CNTNAP5: variants seen among roughly 807,000 people sequenced by gnomAD.
CNTNAP5 encodes the protein contactin-associated protein-like 5.
CNTNAP5 carries 72 observed loss-of-function variants against 150.2 expected under a neutral mutation model. That is an observed-to-expected ratio of 0.48 (90% CI 0.40 to 0.58). CNTNAP5 has a LOEUF of 0.58. Ranked by LOEUF, CNTNAP5 falls within the 20% of genes least tolerant of loss-of-function variation. CNTNAP5 has a pLI of 0.00. For missense variants in CNTNAP5, 1,636 were observed against 1,626.2 expected (o/e 1.01, Z -0.10); for synonymous variants, 672 against 619.8 (o/e 1.08, Z -1.25).
chr2:124,623,329 C>A (rs1213562282), intron 12 of CNTNAP5, among the ~76,000 whole-genome samples: 1 of 152,170 alleles, frequency 6.6e-6, no homozygotes, highest in African/African-American at 2.4e-5. Context: ...CATGTCTCCC[C>A]ATCCCTTCCA....
At chr2:124,121,628 T>A (rs1683564265) in intron 1 of CNTNAP5, among the ~76,000 whole-genome samples, 1 of 152,164 alleles carries the variant, frequency 6.6e-6, no homozygotes, top group Non-Finnish European at 1.5e-5. Context: ...AATTAGGCTT[T>A]AAGAGGCTAC....
At chr2:124,562,543 A>G (rs1165897233) in intron 10 of CNTNAP5, among the ~76,000 whole-genome samples, 4 of 152,232 alleles carry the variant, frequency 2.6e-5, no homozygotes, top group Admixed American at 2.6e-4. Context: ...AGACAAGGTC[A>G]TCTCAGTGTG....
At chr2:124,469,335 T>C (rs1226146868) in intron 6 of CNTNAP5, among the ~76,000 whole-genome samples, 3 of 152,208 alleles carry the variant, frequency 2.0e-5, no homozygotes, top group Non-Finnish European at 4.4e-5. Context: ...TCTGTTTTTT[T>C]ACTAACATTT....
chr2:124,103,697 C>A (rs772570655), intron 1 of CNTNAP5, among the ~76,000 whole-genome samples: 8 of 151,792 alleles, frequency 5.3e-5, no homozygotes, highest in Admixed American at 4.6e-4. Context: ...TGTCTAGATG[C>A]GTGTAAGGAC....
At chr2:124,763,900 A>G (rs1057135717) in intron 15 of CNTNAP5, 77 bp from the exon 16 acceptor site, 1 of 1,593,426 alleles carries the variant, frequency 6.3e-7, no homozygotes, top group East Asian at 2.2e-5. Context: ...TAGTCTTGAA[A>G]ATTATCCACA....
intron 3 of CNTNAP5, among the ~76,000 whole-genome samples, chr2:124,324,475 T>A (rs947775776): frequency 6.6e-6 from 1 of 152,136 alleles, no homozygotes; most frequent in African/African-American, 2.4e-5. Context: ...AGATTTGCGG[T>A]AAATGGAATA....
chr2:124,149,087 A>G (rs558762091), intron 1 of CNTNAP5, among the ~76,000 whole-genome samples: 2 of 152,220 alleles, frequency 1.3e-5, no homozygotes, highest in Admixed American at 6.5e-5. Context: ...ATTCCAGGTT[A>G]ATCACATATG....
At position 124,527,373 on chromosome 2, in the gene CNTNAP5, G is replaced by C. The variant is rs757541218; in HGVS notation, c.1566G>C (p.Gln522His). Residue 522 changes from glutamine to histidine, a missense_variant, in exon 10 of 24, where the codon CAG becomes CAC. Coordinates refer to ENST00000682447, the MANE Select transcript of CNTNAP5 (RefSeq NM_001367498.1). ...TGAGGCTCATCTTTATTGATAACCA[G>C]CCCAAGGACCTCATTTCAGTTCAGC... ...GCMRLIFIDNQPKDLISVQQG... is the reference protein window; with the variant it reads ...GCMRLIFIDNHPKDLISVQQG... 3.1e-6 allele frequency: 5 copies of C among 1,613,386 alleles called. No individual in the cohort carries two copies. In the South Asian group the frequency reaches 5.5e-5, roughly 18 times the overall value.
At chr2:124,307,249 G>GA (rs1336037348) in intron 3 of CNTNAP5, among the ~76,000 whole-genome samples, 1 of 152,106 alleles carries the variant, frequency 6.6e-6, no homozygotes, top group Non-Finnish European at 1.5e-5. Flanking sequence ...GAGACAGAGA[G>GA]AAAGAGAGAG....
chr2:124,049,621 C>T (rs1248428100), intron 1 of CNTNAP5, among the ~76,000 whole-genome samples: 1 of 152,128 alleles, frequency 6.6e-6, no homozygotes, highest in Non-Finnish European at 1.5e-5. Context: ...AGCCTTGTTA[C>T]CTTCTGAGCT....
chr2:124,896,868 A>T (rs1349444761), intron 21 of CNTNAP5, among the ~76,000 whole-genome samples: 1 of 151,394 alleles, frequency 6.6e-6, no homozygotes, highest in Non-Finnish European at 1.5e-5. Context: ...ACTTGCTTTA[A>T]CTCCTACCTA....
chr2:124,518,672 A>G (rs1329556224), intron 8 of CNTNAP5, among the ~76,000 whole-genome samples: 1 of 152,158 alleles, frequency 6.6e-6, no homozygotes, highest in Non-Finnish European at 1.5e-5. Context: ...GAAACAATTC[A>G]CATATCCATC....
intron 13 of CNTNAP5, among the ~76,000 whole-genome samples, chr2:124,712,314 C>T (rs972759178): frequency 1.3e-5 from 2 of 152,146 alleles, no homozygotes; most frequent in Non-Finnish European, 2.9e-5. Flanking sequence ...TCATTTAATC[C>T]TCACAACAAC....
At chr2:124,362,030 G>C (rs10183718) in intron 3 of CNTNAP5, among the ~76,000 whole-genome samples, 11 of 152,244 alleles carry the variant, frequency 7.2e-5, no homozygotes, top group Admixed American at 5.2e-4. Context: ...TTTTTAAGCC[G>C]GTCCGAAAAG....
At chr2:124,417,211 T>G (rs1156897479) in intron 3 of CNTNAP5, among the ~76,000 whole-genome samples, 1 of 152,134 alleles carries the variant, frequency 6.6e-6, no homozygotes, top group East Asian at 1.9e-4. Flanking sequence ...GTGCTGGGAT[T>G]ACAGGAGTGA....
chr2:124,486,244 C>T (rs1693877937), intron 7 of CNTNAP5, among the ~76,000 whole-genome samples: 2 of 152,116 alleles, frequency 1.3e-5, no homozygotes, highest in African/African-American at 4.8e-5. Context: ...TAAGTGGGAG[C>T]TAAGCTATGA....
At chr2:124,910,045 C>T (rs1477273816) in intron 22 of CNTNAP5, among the ~76,000 whole-genome samples, 1 of 151,578 alleles carries the variant, frequency 6.6e-6, no homozygotes, top group Non-Finnish European at 1.5e-5. Flanking sequence ...ACCCCATCAG[C>T]CTCTCTCTCA....
intron 1 of CNTNAP5, among the ~76,000 whole-genome samples, chr2:124,118,558 G>A (rs529567853): frequency 6.6e-6 from 1 of 152,256 alleles, no homozygotes; most frequent in South Asian, 2.1e-4. Flanking sequence ...CTGAGCTCTT[G>A]AGAGAACATG....
intron 1 of CNTNAP5, among the ~76,000 whole-genome samples, chr2:124,209,038 C>A (rs1427815152): frequency 2.0e-5 from 3 of 152,116 alleles, no homozygotes; most frequent in Non-Finnish European, 4.4e-5. Flanking sequence ...TGGATGGCCC[C>A]AATTTACCAA....
Sources: gnomAD v4.1 joint callset for allele counts (sites outside exome capture counted in the v4.1 genomes callset) on GRCh38, gnomAD v4.1.1 for gene constraint, MANE v1.5 for transcripts, NCBI Gene and HGNC (gene_info 2026-07-23, HGNC 2026-07-21) for gene names.